The following SLC43A2 variants were observed in gnomAD, a reference collection of about 807,000 sequenced individuals.
SLC43A2 encodes large neutral amino acids transporter small subunit 4.
Under a neutral mutation model 63.2 loss-of-function variants are expected in SLC43A2, and 38 were observed. That is an observed-to-expected ratio of 0.60 (90% CI 0.46 to 0.79). SLC43A2 has a LOEUF of 0.79. SLC43A2 is among the 30% of genes least tolerant of loss of function. The probability of loss-of-function intolerance (pLI) is 0.00; values close to 1 mark genes in which losing one functional copy is unlikely to be tolerated. For missense variants in SLC43A2, 644 were observed against 756.2 expected (o/e 0.85, Z 1.74); for synonymous variants, 322 against 331.0 (o/e 0.97, Z 0.30).
chr17:1,618,603 C>T (rs1014126181), intron 2 of SLC43A2, among the ~76,000 whole-genome samples: 3 of 152,220 alleles, frequency 2.0e-5, no homozygotes, highest in African/African-American at 7.2e-5. Context: ...GCTGTGAGCC[C>T]CGAAGGGCAG....
In SLC43A2 at chr17:1,593,078, T is replaced by G; in HGVS notation, c.594+109A>C. 9.9e-7 allele frequency: 1 copy of G among 1,013,116 alleles called. No homozygotes were observed. Among genetic ancestry groups the G allele is most frequent in the Non-Finnish European group, 1.5e-6 (1 of 666,050 alleles). 62.8% of individuals were successfully genotyped at this position (1,013,116 alleles called of 1,614,324 possible). On this transcript the variant is annotated intron_variant, in intron 6 of 13. Coordinates refer to ENST00000301335, the MANE Select transcript of SLC43A2 (RefSeq NM_152346.3). The surrounding 1 kb of genome is among the most constrained non-coding windows in gnomAD (Gnocchi z 5.3). ...GTGCATCCTGCCCGGGTGGGGGTGGTGGAGAGGGGCCACCCCGGGTGCCCA... is the reference window on the plus strand; with the variant it reads ...GTGCATCCTGCCCGGGTGGGGGTGGGGGAGAGGGGCCACCCCGGGTGCCCA...
chr17:1,605,161 A>C lies in SLC43A2; in HGVS notation c.501+8034T>G. On this transcript the variant is annotated intron_variant, in intron 5 of 13. Coordinates refer to ENST00000301335, the MANE Select transcript of SLC43A2 (RefSeq NM_152346.3). The surrounding 1 kb of genome is among the most constrained non-coding windows in gnomAD (Gnocchi z 4.9). Reference sequence around the variant, plus strand: ...GCCGCCTCTGCCTCCGTGCGGGTCAACCTGTCCTGCCAGCCCGGGCTGTTC... The same window carrying C: ...GCCGCCTCTGCCTCCGTGCGGGTCACCCTGTCCTGCCAGCCCGGGCTGTTC... The C allele has an allele frequency of 8.1e-7, 1 of 1,231,780 alleles. No individual in the cohort carries two copies. The highest frequency in any genetic ancestry group is 1.0e-6 in the Non-Finnish European group (1 of 975,100). 76.3% of individuals were successfully genotyped at this position (1,231,780 alleles called of 1,614,324 possible).
chr17:1,604,836 A>G (rs1268672512), intron 5 of SLC43A2: 2 of 1,535,724 alleles, frequency 1.3e-6, no homozygotes, highest in Non-Finnish European at 1.7e-6. Context: ...TCATCCTGAC[A>G]TCTGGGTCAC....
At chr17:1,599,130 C>T (rs557172144) in intron 5 of SLC43A2, among the ~76,000 whole-genome samples, 144 of 152,088 alleles carry the variant, frequency 9.5e-4, no homozygotes, top group Admixed American at 4.0e-3. Context: ...GGGCGGATCA[C>T]GAGATCGAGA....
In SLC43A2 at chr17:1,593,062, G is replaced by A; in HGVS notation, c.594+125C>T. 2 of 842,884 alleles carry A rather than the reference G, an allele frequency of 2.4e-6. No homozygotes were observed. The highest frequency in any genetic ancestry group is 3.9e-6 in the Non-Finnish European group (2 of 519,226). The allele number at this position is 842,884 out of a possible 1,614,324, so 52.2% of individuals were successfully genotyped here. A position where few individuals can be genotyped will look rare whatever the true frequency, so the allele number is the denominator to read the frequency against. On this transcript the variant is annotated intron_variant, in intron 6 of 13. Transcript: ENST00000301335. This position sits in a 1 kb window ranked among gnomAD's most constrained non-coding sequence, Gnocchi z 5.3. ...CCCCTGTGATGCCCAGGTGCATCCT[G>A]CCCGGGTGGGGGTGGTGGAGAGGGG... is the stretch of plus-strand genomic sequence containing the variant.
chr17:1,600,646 C>T (rs1369471135), intron 5 of SLC43A2, among the ~76,000 whole-genome samples: 1 of 147,084 alleles, frequency 6.8e-6, no homozygotes, highest in Non-Finnish European at 1.5e-5. Flanking sequence ...CTCTGCCTCC[C>T]AGGTTCAAAT....
intron 2 of SLC43A2, among the ~76,000 whole-genome samples, chr17:1,625,804 C>G (rs1908612037): frequency 6.6e-6 from 1 of 152,052 alleles, no homozygotes; most frequent in Admixed American, 6.6e-5. Flanking sequence ...CAATCCTGAC[C>G]CTTCACCTTC....
chr17:1,622,356 G>C (rs1232538610), intron 2 of SLC43A2, among the ~76,000 whole-genome samples: 1 of 151,848 alleles, frequency 6.6e-6, no homozygotes, highest in African/African-American at 2.4e-5. Flanking sequence ...GAGGTCAGGA[G>C]ATCAAGACCA....
intron 5 of SLC43A2, among the ~76,000 whole-genome samples, chr17:1,595,222 A>T (rs1905192579): frequency 1.3e-5 from 2 of 151,608 alleles, no homozygotes; most frequent in African/African-American, 4.8e-5. Context: ...CGGAGCTTGC[A>T]GTGAGCCGAC....
At chr17:1,576,050 G>A (rs1028972790) in intron 13 of SLC43A2, among the ~76,000 whole-genome samples, 8 of 151,502 alleles carry the variant, frequency 5.3e-5, no homozygotes, top group Non-Finnish European at 1.0e-4. Context: ...CCTCGGAGGT[G>A]GGGCGGGGAC....
chr17:1,625,921 G>A (rs1908619028), intron 2 of SLC43A2, among the ~76,000 whole-genome samples: 2 of 151,782 alleles, frequency 1.3e-5, no homozygotes, highest in African/African-American at 4.8e-5. Context: ...GACAGAGGAG[G>A]AAGCTGAGGT....
At chr17:1,624,523 TA>T (rs535266625) in intron 2 of SLC43A2, among the ~76,000 whole-genome samples, 161 of 151,810 alleles carry the variant, frequency 1.1e-3, no homozygotes, top group African/African-American at 3.6e-3. Flanking sequence ...GCCAACATGG[TA>T]AAACCACATC....
chr17:1,586,928 T>TGGGGCCCCCCCCCCCCCCCCCC, intron 9 of SLC43A2: 2 of 1,232,914 alleles, frequency 1.6e-6, no homozygotes, highest in Non-Finnish European at 1.1e-6. Context: ...TCCCTGACAA[T>TGGGGCCCCCCCCCCCCCCCCCC]CCCCCCCACC....
intron 5 of SLC43A2, chr17:1,604,575 C>T (rs1906403035): frequency 1.4e-6 from 1 of 712,482 alleles, no homozygotes; most frequent in Non-Finnish European, 2.3e-6. Context: ...ATCTCATCAA[C>T]ACAGCACGCT....
chr17:1,591,734 A>G (rs55748456), intron 6 of SLC43A2, 35 bp from the exon 7 acceptor site: 103,847 of 284,496 alleles, frequency 0.37, 14,665 homozygotes, highest in Non-Finnish European at 0.43. Context: ...TGGGGGGGGG[A>G]GGGGGCAGAG....
chr17:1,629,083 C>T (rs1908963388), upstream of SLC43A2, among the ~76,000 whole-genome samples: 1 of 152,192 alleles, frequency 6.6e-6, no homozygotes, highest in Non-Finnish European at 1.5e-5. Context: ...CACAGCGCGG[C>T]CGGGAATCCC....
chr17:1,581,404 G>C (rs541545023), intron 11 of SLC43A2, among the ~76,000 whole-genome samples: 83 of 152,372 alleles, frequency 5.4e-4, no homozygotes, highest in African/African-American at 1.9e-3. Context: ...AGGCCAGGGA[G>C]GGCCGGAGGG....
chr17:1,611,071 G>A (rs1217642291), intron 5 of SLC43A2, among the ~76,000 whole-genome samples: 1 of 151,930 alleles, frequency 6.6e-6, no homozygotes, highest in African/African-American at 2.4e-5. Flanking sequence ...TCGAACTCCT[G>A]ACCTCATGAT....
chr17:1,588,950 G>A (rs888889776), intron 9 of SLC43A2, among the ~76,000 whole-genome samples: 1 of 152,190 alleles, frequency 6.6e-6, no homozygotes, highest in African/African-American at 2.4e-5. Context: ...TCAGCAGCAC[G>A]GCACACCCCC....
Sources: gnomAD v4.1 joint callset for allele counts (sites outside exome capture counted in the v4.1 genomes callset) on GRCh38, gnomAD v4.1.1 for gene constraint, Gnocchi (gnomAD v3.1) non-coding constraint, MANE v1.5 for transcripts, NCBI Gene and HGNC (gene_info 2026-07-23, HGNC 2026-07-21) for gene names.